The following MYO16 variants were observed in gnomAD, a reference collection of about 807,000 sequenced individuals.
The protein encoded by MYO16 is myosin XVI, also known as unconventional myosin-XVI.
Under a neutral mutation model 205.3 loss-of-function variants are expected in MYO16, and 94 were observed. That is an observed-to-expected ratio of 0.46 (90% CI 0.39 to 0.54). The LOEUF (loss-of-function observed/expected upper bound fraction) is 0.54. Among genes scored for constraint, MYO16 ranks in the 20% least tolerant of loss-of-function variants. MYO16 has a pLI of 0.00. For missense variants in MYO16, 2,315 were observed against 2,387.5 expected (o/e 0.97, Z 0.63); for synonymous variants, 988 against 954.0 (o/e 1.04, Z -0.66).
chr13:109,121,435 C>T (rs1047844092), intron 29 of MYO16, among the ~76,000 whole-genome samples: 10 of 152,212 alleles, frequency 6.6e-5, no homozygotes, highest in African/African-American at 2.2e-4. Flanking sequence ...AACAGCTCTC[C>T]ACATATTCAG....
In MYO16 at chr13:108,863,754, G is replaced by A. The variant is rs374155496; in HGVS notation, c.1360-2423G>A. On this transcript the variant is annotated intron_variant, in intron 11 of 34. Coordinates refer to ENST00000457511, the MANE Select transcript of MYO16 (RefSeq NM_001198950.3). ...TATCTTCTGAAATAATCTGTAGAATGTTTGTTTATTTTGTACATCAATGTT... is the reference window on the plus strand; with the variant it reads ...TATCTTCTGAAATAATCTGTAGAATATTTGTTTATTTTGTACATCAATGTT... 5.9e-5 allele frequency among the ~76,000 whole-genome samples: 9 copies of A among 152,204 alleles called. No homozygotes were observed. In the South Asian group the frequency reaches 8.3e-4, roughly 14 times the overall value.
chr13:109,048,251 C>T, intron 24 of MYO16: 3 of 637,318 alleles, frequency 4.7e-6, no homozygotes, highest in East Asian at 2.8e-5. Context: ...AATAGAGTCC[C>T]TGTATTTTAA....
intron 34 of MYO16, among the ~76,000 whole-genome samples, chr13:109,196,487 A>G (rs1050251617): frequency 1.3e-5 from 2 of 152,132 alleles, no homozygotes; most frequent in African/African-American, 4.8e-5. Context: ...ATATCCTAGG[A>G]GCTTGAAATG....
intron 27 of MYO16, among the ~76,000 whole-genome samples, chr13:109,077,477 G>A (rs1040447307): frequency 2.0e-5 from 3 of 152,142 alleles, no homozygotes; most frequent in Admixed American, 6.5e-5. Flanking sequence ...TGACGAATTT[G>A]CATTGACACA....
chr13:108,957,857 G>T (rs1883436097), intron 17 of MYO16, 58 bp downstream of exon 17: 1 of 1,348,468 alleles, frequency 7.4e-7, no homozygotes, highest in South Asian at 1.2e-5. Flanking sequence ...ATTTATAAAA[G>T]TTATTCATTC....
chr13:108,559,635 G>A, the MYO16 span, among the ~76,000 whole-genome samples: 8 of 151,490 alleles, frequency 5.3e-5, no homozygotes, highest in African/African-American at 1.9e-4. Context: ...CACCACGCCC[G>A]GCTAATTTTT....
At chr13:109,137,818 G>C (rs998682672) in intron 31 of MYO16, among the ~76,000 whole-genome samples, 2 of 152,160 alleles carry the variant, frequency 1.3e-5, no homozygotes, top group African/African-American at 4.8e-5. Flanking sequence ...AAGGCTCAGA[G>C]AGCTTTGCCC....
At chr13:109,060,473 G>GGGGC (rs1485682966) in intron 27 of MYO16, among the ~76,000 whole-genome samples, 1 of 151,910 alleles carries the variant, frequency 6.6e-6, no homozygotes, top group African/African-American at 2.4e-5. Context: ...ATCACACACT[G>GGGGC]GGGCCTGTCG....
chr13:108,808,300 C>CT (rs11464211), intron 7 of MYO16, among the ~76,000 whole-genome samples: 103,729 of 144,592 alleles, frequency 0.72, 38,101 homozygotes, highest in East Asian at 1. Context: ...TTCTTCTTTG[C>CT]TTTTTTTTTT....
intron 1 of MYO16, among the ~76,000 whole-genome samples, chr13:108,640,454 A>T (rs1214324364): frequency 6.6e-6 from 1 of 152,220 alleles, no homozygotes; most frequent in Non-Finnish European, 1.5e-5. Flanking sequence ...GGCTACTAAA[A>T]GGAAAAATAC....
intron 9 of MYO16, among the ~76,000 whole-genome samples, chr13:108,827,099 A>G (rs1339077482): frequency 6.6e-6 from 1 of 152,204 alleles, no homozygotes; most frequent in Non-Finnish European, 1.5e-5. Flanking sequence ...AAATATTCAT[A>G]GGAGTTTTAT....
chr13:108,658,855 G>A (rs765920950), intron 1 of MYO16, among the ~76,000 whole-genome samples: 4 of 152,076 alleles, frequency 2.6e-5, no homozygotes, highest in Non-Finnish European at 5.9e-5. Context: ...GGAAAAGAAT[G>A]TTTCCTGCAA....
chr13:109,045,064 G>T (rs993401458), intron 23 of MYO16, among the ~76,000 whole-genome samples: 6 of 152,176 alleles, frequency 3.9e-5, no homozygotes, highest in African/African-American at 1.4e-4. Context: ...TACCAAGTAA[G>T]AAACTGCAGC....
intron 7 of MYO16, among the ~76,000 whole-genome samples, chr13:108,810,351 G>A (rs1260870773): frequency 1.3e-5 from 2 of 152,234 alleles, no homozygotes; most frequent in East Asian, 3.9e-4. Context: ...AAAGACAAAG[G>A]CAACCAACAC....
At chr13:108,955,177 G>C (rs901672165) in intron 16 of MYO16, among the ~76,000 whole-genome samples, 1 of 152,184 alleles carries the variant, frequency 6.6e-6, no homozygotes, top group African/African-American at 2.4e-5. Context: ...CACCTTACCT[G>C]TGTCGTCCTA....
At chr13:109,120,895 T>C (rs1345967201) in intron 29 of MYO16, among the ~76,000 whole-genome samples, 2 of 151,876 alleles carry the variant, frequency 1.3e-5, no homozygotes, top group Non-Finnish European at 2.9e-5. Context: ...TCAAAAAATG[T>C]CTTAATTAGT....
At chr13:108,628,304 C>T (rs754810639), upstream of MYO16, among the ~76,000 whole-genome samples, 2 of 152,258 alleles carry the variant, frequency 1.3e-5, no homozygotes, top group East Asian at 3.9e-4. Context: ...AATCCTCATT[C>T]TAATTTTTGG....
chr13:108,988,692 A>G (rs989609923), intron 20 of MYO16, among the ~76,000 whole-genome samples: 2 of 152,178 alleles, frequency 1.3e-5, no homozygotes, highest in African/African-American at 2.4e-5. Context: ...ATGAAGTGAC[A>G]TGGTGTCACT....
chr13:109,033,525 A>G (rs2139561632), intron 23 of MYO16, among the ~76,000 whole-genome samples: 1 of 152,342 alleles, frequency 6.6e-6, no homozygotes, highest in East Asian at 1.9e-4. Flanking sequence ...CTCAGCTGTC[A>G]GCAACAAGAC....
Sources: allele counts gnomAD v4.1 joint callset (sites outside exome capture counted in the v4.1 genomes callset), GRCh38; gene constraint gnomAD v4.1.1; transcripts MANE v1.5; gene names NCBI Gene and HGNC (gene_info 2026-07-23, HGNC 2026-07-21).